DIABLO: variants seen among roughly 807,000 people sequenced by gnomAD.
The protein encoded by DIABLO is diablo IAP-binding mitochondrial protein.
DIABLO carries 32 observed loss-of-function variants against 31.7 expected under a neutral mutation model. The observed-to-expected ratio is 1.01, with a 90% CI of 0.76 to 1.35. The LOEUF is 1.35. DIABLO is among the 40% of genes most tolerant of loss of function. The pLI is 0.00. For synonymous variants in DIABLO, 132 were observed against 103.2 expected (o/e 1.28, Z -1.69); for missense variants, 316 against 286.4 (o/e 1.10, Z -0.75).
intron 3 of DIABLO, 37 bp downstream of exon 3, chr12:122,218,229 C>T: frequency 1.9e-6 from 3 of 1,613,086 alleles, no homozygotes; most frequent in South Asian, 1.1e-5. Context: ...TTTGCTAAAC[C>T]ATGGTTTAGA....
chr12:122,226,234 G>A (rs1220778219), upstream of DIABLO: 1 of 774,924 alleles, frequency 1.3e-6, no homozygotes, highest in Admixed American at 2.0e-5. Context: ...TCCGCGCGGG[G>A]CGGGGCATAT....
upstream of DIABLO, among the ~76,000 whole-genome samples, chr12:122,226,900 T>C (rs1332369935): frequency 6.6e-6 from 1 of 152,180 alleles, no homozygotes; most frequent in Non-Finnish European, 1.5e-5. Context: ...GTGCCGCTAA[T>C]GCGCTGGTGG....
chr12:122,213,507 GAAA>G (rs368276624), intron 5 of DIABLO, among the ~76,000 whole-genome samples: 6 of 136,552 alleles, frequency 4.4e-5, no homozygotes, highest in East Asian at 2.2e-4. Flanking sequence ...TTGTCTCAGG[GAAA>G]AAAAAAAAAA....
rs1285891460 is a variant in DIABLO, at chr12:122,208,840, C to T, written c.524-263G>A. ...TATTAAATGCAACTCTCACAATCAT[C>T]TTTATAGCTACAGAGCTTTTAGTAC... On this transcript the variant is annotated intron_variant, in intron 5 of 5. Coordinates refer to ENST00000464942, the MANE Select transcript of DIABLO (RefSeq NM_001371333.1). The T allele has an allele frequency of 5.9e-5, 34 of 577,792 alleles. No individual in the cohort carries two copies. The Admixed American group carries it at 6.9e-4, about 12-fold the overall frequency. The allele number at this position is 577,792 out of a possible 1,614,324, so 35.8% of individuals were successfully genotyped here.
In DIABLO at chr12:122,224,908, C is replaced by A. The variant is rs531190124; in HGVS notation, c.51-264G>T. On this transcript the variant is annotated intron_variant, in intron 1 of 5. Transcript: ENST00000464942. ...AGGATCACTTGAGCCCAGGAGTTCA[C>A]GACCAGCCTGGGCAACATGGCTGGC... The A allele has an allele frequency of 3.8e-5, 48 of 1,251,892 alleles. No homozygotes were observed. The South Asian group carries it at 6.3e-4, about 16-fold the overall frequency. 77.5% of individuals were successfully genotyped at this position (1,251,892 alleles called of 1,614,324 possible). A position where few individuals can be genotyped will look rare whatever the true frequency, so the allele number is the denominator to read the frequency against.
intron 5 of DIABLO, 55 bp from the exon 6 acceptor site, chr12:122,208,632 AT>A: frequency 6.3e-7 from 1 of 1,577,834 alleles, no homozygotes; most frequent in Non-Finnish European, 8.6e-7. Flanking sequence ...CGGAAGGCTC[AT>A]GTGGACGTTG....
At chr12:122,225,464 G>A in intron 1 of DIABLO, 1 of 1,010,070 alleles carries the variant, frequency 9.9e-7, no homozygotes. Flanking sequence ...CCTGCAGGCA[G>A]AATTTAGCTC....
intron 1 of DIABLO, chr12:122,225,745 T>C: frequency 1.4e-6 from 2 of 1,433,218 alleles, no homozygotes; most frequent in Non-Finnish European, 1.8e-6. Context: ...CGGGGACTCG[T>C]TTCTAGAAGA....
In DIABLO at chr12:122,208,530, T is replaced by A. The variant is rs1465537999; in HGVS notation, c.571A>T (p.Lys191Ter). 6.2e-7 allele frequency: 1 copy of A among 1,614,016 alleles called. No individual in the cohort carries two copies. The highest frequency in any genetic ancestry group is 8.5e-7 in the Non-Finnish European group (1 of 1,180,038). ...TGGTGCACCTCTTCCACCTGCAGTT[T>A]CACCAGCTGAATGTGATTCCTGGCG... ...ITARNHIQLV[K>*]LQVEEVHQLS... Residue 191 changes from lysine (K) to a stop codon, truncating the protein, a stop_gained, in exon 6 of 6, where the codon AAA becomes TAA. Transcript: ENST00000464942. LOFTEE classifies it high-confidence loss of function.
chr12:122,226,297 G>T (rs1040508774), upstream of DIABLO: 1 of 680,428 alleles, frequency 1.5e-6, no homozygotes, highest in South Asian at 1.6e-5. Flanking sequence ...GTCGGGCGCC[G>T]TGACGCTGGC....
chr12:122,225,961 G>T lies in DIABLO; in HGVS notation c.50+4C>A, dbSNP rs775481627. The stretch of plus-strand genomic sequence containing the variant: ...CTGTCCCCTCTACGCGGCCGCAGCG[G>T]TACCTGAAGAATGAAGTTACGCTGC... On this transcript the variant is annotated splice_donor_region_variant and intron_variant, in intron 1 of 5. Transcript: ENST00000464942. The T allele has an allele frequency of 5.6e-6, 9 of 1,592,962 alleles. No individual in the cohort carries two copies. The highest frequency in any genetic ancestry group is 7.7e-6 in the Non-Finnish European group (9 of 1,170,352).
chr12:122,208,072 G>A lies in DIABLO; in HGVS notation c.*309C>T, dbSNP rs1437050463. 3 of 596,090 alleles carry A rather than the reference G, an allele frequency of 5.0e-6. No homozygotes were observed. The highest frequency in any genetic ancestry group is 2.1e-5 in the Admixed American group (1 of 46,724). 36.9% of individuals were successfully genotyped at this position (596,090 alleles called of 1,614,324 possible). A position where few individuals can be genotyped will look rare whatever the true frequency, so the allele number is the denominator to read the frequency against. On this transcript the variant is annotated 3_prime_UTR_variant, in exon 6 of 6. Coordinates refer to ENST00000464942, the MANE Select transcript of DIABLO (RefSeq NM_001371333.1). ...CTGAACTTAAGGGCATGACAAAAAG[G>A]ACTCCTCTCTCTGACCCAGGTAGGC...
In DIABLO at chr12:122,216,521, A is replaced by C; in HGVS notation, c.490T>G (p.Ser164Ala). ...ETTWMTAVGL[S>A]EMAAEAAYQT... ...TATGCAGCTTCTGCTGCCATCTCTG[A>C]AAGACCAACTGCAGTCATCCAAGTG... Residue 164 changes from serine (S) to alanine (A), a missense_variant, in exon 5 of 6, where the codon TCA becomes GCA. Transcript: ENST00000464942. 1 of 1,614,194 alleles carries C rather than the reference A, an allele frequency of 6.2e-7. No homozygotes were observed. The highest frequency in any genetic ancestry group is 1.1e-5 in the South Asian group (1 of 91,086).
chr12:122,216,971 C>A, intron 3 of DIABLO, 102 bp from the exon 4 acceptor site: 1 of 940,798 alleles, frequency 1.1e-6, no homozygotes, highest in South Asian at 1.3e-5. Context: ...TTACAGCAAA[C>A]TGGCTCTTCC....
At chr12:122,225,063 A>T (rs1954422810) in intron 1 of DIABLO, 2 of 351,628 alleles carry the variant, frequency 5.7e-6, no homozygotes, top group Middle Eastern at 2.1e-3. Context: ...AAACACAAAA[A>T]TTAGCCCGGA....
chr12:122,227,275 TACA>T, upstream of DIABLO: 1 of 420,492 alleles, frequency 2.4e-6, no homozygotes, highest in East Asian at 7.1e-5. Context: ...GTAGGAACCC[TACA>T]ACACCTCCAA....
intron 1 of DIABLO, 175 bp from the exon 2 acceptor site, chr12:122,224,819 C>A: frequency 6.6e-7 from 1 of 1,522,918 alleles, no homozygotes. Flanking sequence ...AATGTTGCCT[C>A]AGGCAGGGTG....
chr12:122,215,828 G>A (rs1433421288), intron 5 of DIABLO, among the ~76,000 whole-genome samples: 1 of 144,178 alleles, frequency 6.9e-6, no homozygotes, highest in African/African-American at 2.6e-5. Flanking sequence ...CTTGAGCCTA[G>A]GATTTCGAGA....
chr12:122,223,571 A>G (rs1452486569), intron 2 of DIABLO, among the ~76,000 whole-genome samples: 2 of 152,128 alleles, frequency 1.3e-5, no homozygotes, highest in Non-Finnish European at 2.9e-5. Flanking sequence ...GGTCTCCCCC[A>G]TTCGCCTCCA....
Sources: allele counts gnomAD v4.1 joint callset (sites outside exome capture counted in the v4.1 genomes callset), GRCh38; gene constraint gnomAD v4.1.1; transcripts MANE v1.5; gene names NCBI Gene and HGNC (gene_info 2026-07-23, HGNC 2026-07-21).